Variants in KCNK1 observed in about 807,000 individuals in gnomAD.
KCNK1 encodes the protein potassium channel subfamily K member 1.
In KCNK1, 10 loss-of-function variants were observed where a neutral mutation model predicts 22.2. That is an observed-to-expected ratio of 0.45 (90% confidence interval 0.28 to 0.76). The LOEUF (loss-of-function observed/expected upper bound fraction) is 0.76, where lower values mean the gene tolerates loss of function less well. Among genes scored for constraint, KCNK1 ranks in the 30% least tolerant of loss-of-function variants. KCNK1 has a pLI of 0.14. For synonymous variants in KCNK1, 200 were observed against 186.4 expected (o/e 1.07, Z -0.60); for missense variants, 378 against 421.0 (o/e 0.90, Z 0.89).
chr1:233,653,911 G>A (rs946044763), intron 1 of KCNK1, among the ~76,000 whole-genome samples: 5 of 152,084 alleles, frequency 3.3e-5, no homozygotes, highest in South Asian at 2.1e-4. Context: ...TGCTTCTAAC[G>A]AATGTGGAAG....
chr1:233,661,981 G>T (rs1658401121), intron 1 of KCNK1: 1 of 152,192 alleles, frequency 6.6e-6, no homozygotes, highest in African/African-American at 2.4e-5. Context: ...AACAGCACCG[G>T]TGTTACGGTT....
chr1:233,665,049 C>A (rs1658465582), intron 1 of KCNK1, among the ~76,000 whole-genome samples: 1 of 152,108 alleles, frequency 6.6e-6, no homozygotes, highest in South Asian at 2.1e-4. Context: ...ATGAAGAGTC[C>A]CCTGATTAGC....
At chr1:233,620,335 A>G (rs1657560333) in intron 1 of KCNK1, among the ~76,000 whole-genome samples, 1 of 152,206 alleles carries the variant, frequency 6.6e-6, no homozygotes, top group South Asian at 2.1e-4. Context: ...TATTCTGAAT[A>G]TTTCACTTTC....
At chr1:233,667,984 A>G (rs1307250168) in intron 2 of KCNK1, among the ~76,000 whole-genome samples, 1 of 152,180 alleles carries the variant, frequency 6.6e-6, no homozygotes, top group Non-Finnish European at 1.5e-5. Flanking sequence ...TTGTGTGTGG[A>G]AAATAAAATG....
At chr1:233,619,079 A>G (rs980837493) in intron 1 of KCNK1, among the ~76,000 whole-genome samples, 13 of 152,082 alleles carry the variant, frequency 8.5e-5, no homozygotes, top group African/African-American at 3.1e-4. Context: ...GTGCAGTGAC[A>G]CTATCGTGGG....
chr1:233,637,939 C>A (rs187006564), intron 1 of KCNK1, among the ~76,000 whole-genome samples: 5 of 151,458 alleles, frequency 3.3e-5, no homozygotes, highest in African/African-American at 9.7e-5. Context: ...TTAATATTTA[C>A]TATTTATCAT....
intron 1 of KCNK1, among the ~76,000 whole-genome samples, chr1:233,659,451 A>G (rs898795129): frequency 2.0e-5 from 3 of 150,252 alleles, no homozygotes; most frequent in African/African-American, 7.3e-5. Context: ...AAAATGTCAA[A>G]TGTAAACCAG....
chr1:233,628,760 A>AAATAATAATAAT lies in KCNK1; in HGVS notation c.355+14246_355+14257dup, dbSNP rs58722587. Among the ~76,000 whole-genome samples the AAATAATAATAAT allele has an allele frequency of 3.0e-3, 447 of 148,790 alleles. 5 individuals carry two copies. Among genetic ancestry groups the AAATAATAATAAT allele is most frequent in the African/African-American group, 0.011 (425 of 38,878 alleles). On this transcript the variant is annotated intron_variant, in intron 1 of 2. Coordinates refer to ENST00000366621, the MANE Select transcript of KCNK1 (RefSeq NM_002245.4). ...GGGCAACAGAGCAAGACTCTGTCTC[A>AAATAATAATAAT]AATAATAATAATAATAATAATAAAT...
chr1:233,664,956 C>T (rs1658464399), intron 1 of KCNK1, among the ~76,000 whole-genome samples: 1 of 152,104 alleles, frequency 6.6e-6, no homozygotes, highest in African/African-American at 2.4e-5. Context: ...CATGTTAGTT[C>T]TTTTAAGATG....
intron 1 of KCNK1, among the ~76,000 whole-genome samples, chr1:233,646,623 G>A (rs1328187028): frequency 6.6e-6 from 1 of 152,026 alleles, no homozygotes; most frequent in Non-Finnish European, 1.5e-5. Context: ...CAGATGGAAG[G>A]TCTGAAGGCC....
At chr1:233,643,915 G>T (rs1284355603) in intron 1 of KCNK1, among the ~76,000 whole-genome samples, 3 of 152,160 alleles carry the variant, frequency 2.0e-5, no homozygotes, top group African/African-American at 7.2e-5. Context: ...ACAATTCTCA[G>T]ACAACTGTTG....
At chr1:233,663,071 C>T (rs1658429813) in intron 1 of KCNK1, among the ~76,000 whole-genome samples, 2 of 152,094 alleles carry the variant, frequency 1.3e-5, no homozygotes, top group South Asian at 2.1e-4. Context: ...TGAAAGTTTC[C>T]GTCAGATGCA....
chr1:233,627,692 A>G (rs530587044), intron 1 of KCNK1, among the ~76,000 whole-genome samples: 1 of 152,078 alleles, frequency 6.6e-6, no homozygotes, highest in African/African-American at 2.4e-5. Flanking sequence ...GTGTGGATCC[A>G]CAATCTGTCA....
chr1:233,615,935 G>A (rs1558105799), intron 1 of KCNK1, among the ~76,000 whole-genome samples: 1 of 152,158 alleles, frequency 6.6e-6, no homozygotes, highest in Non-Finnish European at 1.5e-5. Context: ...AGCTTGTATT[G>A]TGAGATCTAA....
chr1:233,623,876 C>G (rs1429088570), intron 1 of KCNK1, among the ~76,000 whole-genome samples: 2 of 152,086 alleles, frequency 1.3e-5, no homozygotes, highest in African/African-American at 4.8e-5. Flanking sequence ...GTAGCGTGAG[C>G]CACCGCACCT....
intron 1 of KCNK1, among the ~76,000 whole-genome samples, chr1:233,627,085 A>G (rs1430560858): frequency 6.6e-6 from 1 of 152,118 alleles, no homozygotes; most frequent in Admixed American, 6.5e-5. Context: ...CGATTTTTAC[A>G]GTTTGTACTG....
At chr1:233,625,046 A>G (rs1657663385) in intron 1 of KCNK1, among the ~76,000 whole-genome samples, 1 of 152,254 alleles carries the variant, frequency 6.6e-6, no homozygotes, top group African/African-American at 2.4e-5. Flanking sequence ...GAAAAGGCAT[A>G]TACAGTTGCT....
At chr1:233,670,623 C>A (rs371620429) in intron 2 of KCNK1, among the ~76,000 whole-genome samples, 3 of 152,094 alleles carry the variant, frequency 2.0e-5, no homozygotes, top group African/African-American at 7.2e-5. Flanking sequence ...ACCATCAGAT[C>A]TCGTGAGACT....
chr1:233,635,686 A>G (rs1412323268), intron 1 of KCNK1, among the ~76,000 whole-genome samples: 1 of 152,138 alleles, frequency 6.6e-6, no homozygotes. Flanking sequence ...ACTTGGGCAA[A>G]ATATTTTGGG....
Sources: allele counts gnomAD v4.1 joint callset (sites outside exome capture counted in the v4.1 genomes callset), GRCh38; gene constraint gnomAD v4.1.1; transcripts MANE v1.5; gene names NCBI Gene and HGNC (gene_info 2026-07-23, HGNC 2026-07-21).